The following HK1 variants were observed in gnomAD, a reference collection of about 807,000 sequenced individuals.
HK1 encodes hexokinase-1.
A neutral mutation model predicts 91.6 loss-of-function variants in HK1; 28 were observed. The observed-to-expected ratio is 0.31, with a 90% CI of 0.23 to 0.42. The LOEUF is 0.42. HK1 is among the 10% of genes least tolerant of loss of function. The pLI is 1.00. For synonymous variants in HK1, 430 were observed against 468.1 expected (o/e 0.92, Z 1.05); for missense variants, 770 against 1,219.8 (o/e 0.63, Z 5.49).
At chr10:69,283,677 A>G (rs1354968095) in intron 2 of HK1, among the ~76,000 whole-genome samples, 1 of 150,788 alleles carries the variant, frequency 6.6e-6, no homozygotes, top group Non-Finnish European at 1.5e-5. Context: ...GCTACTCAGG[A>G]GACTGAGGGA....
At chr10:69,313,485 G>A (rs910207504), upstream of HK1, among the ~76,000 whole-genome samples, 10 of 151,820 alleles carry the variant, frequency 6.6e-5, no homozygotes, top group African/African-American at 1.9e-4. Flanking sequence ...TTTTTGAGAC[G>A]GAATTTCGCT....
At position 69,283,769 on chromosome 10, in the gene HK1, A is replaced by T. The variant is rs1312067200; in HGVS notation, c.-215+1065A>T. 2.2e-5 allele frequency among the ~76,000 whole-genome samples: 3 copies of T among 136,644 alleles called. No homozygotes were observed. The South Asian group carries it at 7.4e-4, about 34-fold the overall frequency. The allele number at this position is 136,644 out of a possible 152,430, so 89.6% of individuals were successfully genotyped here. ...AGTTCGCACCACCGCACTGCATTCC[A>T]GCCTGGGTGACAGAGTGAGACTCTG... On this transcript the variant is annotated intron_variant, in intron 2 of 21. Coordinates refer to the HK1 transcript ENST00000360289.
At chr10:69,376,727 T>A (rs1839129626) in intron 7 of HK1, among the ~76,000 whole-genome samples, 2 of 152,190 alleles carry the variant, frequency 1.3e-5, no homozygotes, top group Non-Finnish European at 2.9e-5. Flanking sequence ...GGGGTCTGGA[T>A]GACTCCTGCC....
intron 2 of HK1, among the ~76,000 whole-genome samples, chr10:69,349,742 G>A (rs1271157446): frequency 6.6e-6 from 1 of 152,214 alleles, no homozygotes; most frequent in African/African-American, 2.4e-5. Context: ...CCAACCCGAG[G>A]TAAAAGGGAC....
chr10:69,317,998 A>T (rs1564506770), upstream of HK1: 1 of 965,008 alleles, frequency 1.0e-6, no homozygotes, highest in Non-Finnish European at 1.2e-6. Flanking sequence ...CCGTGCCCCA[A>T]GTCCCAGTGG....
In HK1 at chr10:69,369,447, G is replaced by C. The variant is rs901268807; in HGVS notation, c.698G>C (p.Gly233Ala). ...CTGATCTTGTCCTGCCCAGGCACTG[G>C]CACCAATGCTTGCTACATGGAGGAA... is the stretch of plus-strand genomic sequence containing the variant. ...HCEVGLIIGT[G>A]TNACYMEELR... The change falls in exon 7 of 18, where the codon GGC (glycine) becomes GCC (alanine). Residue 233 changes from glycine to alanine, a missense_variant. By Grantham distance (60) the Gly-to-Ala change is moderately conservative. Transcript: ENST00000359426. This position sits in a 1 kb window ranked among gnomAD's most constrained non-coding sequence, Gnocchi z 4.4. 1 of 1,614,094 alleles carries C rather than the reference G, an allele frequency of 6.2e-7. No individual in the cohort carries two copies. The highest frequency in any genetic ancestry group is 8.5e-7 in the Non-Finnish European group (1 of 1,180,042).
intron 7 of HK1, among the ~76,000 whole-genome samples, chr10:69,370,164 T>C (rs887205116): frequency 6.6e-6 from 1 of 152,226 alleles, no homozygotes; most frequent in African/African-American, 2.4e-5. Flanking sequence ...GATTGTGTCC[T>C]TGTAAAACAT....
At chr10:69,298,086 C>T (rs1299430624) in intron 4 of HK1, among the ~76,000 whole-genome samples, 4 of 150,734 alleles carry the variant, frequency 2.7e-5, no homozygotes, top group Non-Finnish European at 5.9e-5. Context: ...TGGCAGGCAC[C>T]TGTAATCCCA....
At chr10:69,278,625 A>G (rs973630407) in intron 1 of HK1, 1 of 152,230 alleles carries the variant, frequency 6.6e-6, no homozygotes, top group African/African-American at 2.4e-5. Context: ...ACAAAAGAGA[A>G]TTGAATTGTA....
At position 69,382,606 on chromosome 10, in the gene HK1, G is replaced by A. The variant is rs1193836919; in HGVS notation, c.1385G>A (p.Arg462His). Residue 462 changes from arginine (R) to histidine (H), a missense_variant, in exon 10 of 18, where the codon CGC (arginine) becomes CAC (histidine). Arg to His is a conservative substitution (Grantham distance 29). This residue lies in a region of HK1 where 449 missense variants were observed against 665.1 expected (regional missense o/e 0.68). Transcript: ENST00000359426. ...GCCATGGTGACGGCGGTGGCCTACC[G>A]CTTGGCCGAGCAGCACCGGCAGATA... ...GAAMVTAVAY[R>H]LAEQHRQIEE... is the part of the protein sequence containing the mutation. The A allele has an allele frequency of 2.5e-6, 4 of 1,614,066 alleles. No homozygotes were observed. The highest frequency in any genetic ancestry group is 2.5e-6 in the Non-Finnish European group (3 of 1,180,044).
intron 13 of HK1, 33 bp from the exon 14 acceptor site, chr10:69,389,153 CATAGTGATCCT>C: frequency 1.4e-6 from 2 of 1,434,920 alleles, no homozygotes; most frequent in Non-Finnish European, 2.0e-6. Context: ...TCAAGCCAGG[CATAGTGATCCT>C]ATTCCTAAAG....
chr10:69,395,403 C>A (rs544817838), intron 16 of HK1, among the ~76,000 whole-genome samples: 1 of 151,764 alleles, frequency 6.6e-6, no homozygotes, highest in Non-Finnish European at 1.5e-5. Context: ...ATGGTGAAAC[C>A]CGATCTCTAC....
chr10:69,294,813 GATC>G (rs1372065501), intron 3 of HK1, among the ~76,000 whole-genome samples: 1 of 152,042 alleles, frequency 6.6e-6, no homozygotes, highest in Non-Finnish European at 1.5e-5. Flanking sequence ...AGTGAGCAGA[GATC>G]ATGCCACTGC....
Position 69,377,016 on chromosome 10 carries a change from T to C in HK1, c.958T>C (p.Phe320Leu), listed in dbSNP as rs141581723. The change falls in exon 8 of 18, where the codon TTT (phenylalanine) becomes CTT (leucine). Residue 320 changes from phenylalanine to leucine, a missense_variant. Coordinates refer to ENST00000359426, the MANE Select transcript of HK1 (RefSeq NM_000188.3). The stretch of plus-strand genomic sequence containing the variant: ...CAAGATGGCCAAGGAGGGCCTCTTA[T>C]TTGAAGGGCGGATCACCCCGGAGCT... ...LVKMAKEGLL[F>L]EGRITPELLT... The C allele has an allele frequency of 2.5e-6, 4 of 1,614,056 alleles. No homozygotes were observed. The African/African-American group carries it at 4.0e-5, about 16-fold the overall frequency.
rs375127651 is a variant in HK1, at chr10:69,336,702, C to T, written c.64-7125C>T. Among the ~76,000 whole-genome samples, 23 of 132,294 alleles carry T rather than the reference C, an allele frequency of 1.7e-4. No homozygotes were observed. In the East Asian group the frequency reaches 4.3e-3, roughly 25 times the overall value. 86.8% of individuals were successfully genotyped at this position (132,294 alleles called of 152,430 possible). On this transcript the variant is annotated intron_variant, in intron 1 of 17. Transcript: ENST00000359426. Reference sequence around the variant, plus strand: ...TTGCCCAGGCTGGAGTGCAGTGGTGCAATCTCAGCTCACTGCAACCTCTGC... The same window carrying T: ...TTGCCCAGGCTGGAGTGCAGTGGTGTAATCTCAGCTCACTGCAACCTCTGC...
At chr10:69,326,898 TA>T (rs1847408574) in intron 1 of HK1, among the ~76,000 whole-genome samples, 1 of 152,180 alleles carries the variant, frequency 6.6e-6, no homozygotes, top group African/African-American at 2.4e-5. Flanking sequence ...ATAAACAGTA[TA>T]TGGTATTGCT....
rs112075966 is a variant in HK1, at chr10:69,366,005, A to G, written c.495+1103A>G. Among the ~76,000 whole-genome samples, 27 of 151,906 alleles carry G rather than the reference A, an allele frequency of 1.8e-4. 1 individual carries two copies. The highest frequency in any genetic ancestry group is 6.0e-4 in the African/African-American group (25 of 41,404). Reference sequence around the variant, plus strand: ...ACCACCATGTCCGGCTAATTTTTGTATTTTTGGCAGATATGGGGTTTCACC... The same window carrying G: ...ACCACCATGTCCGGCTAATTTTTGTGTTTTTGGCAGATATGGGGTTTCACC... On this transcript the variant is annotated intron_variant, in intron 4 of 17. Transcript: ENST00000359426.
chr10:69,360,060 C>T lies in HK1; in HGVS notation c.375+15C>T. On this transcript the variant is annotated intron_variant, in intron 3 of 17. Coordinates refer to ENST00000359426, the MANE Select transcript of HK1 (RefSeq NM_000188.3). ...GTGGAAGCCAGGTGGGTCCCTGCTC[C>T]CTCCGGGTCACCCCGTCGGGCCAGC... is the stretch of plus-strand genomic sequence containing the variant. The T allele has an allele frequency of 6.2e-7, 1 of 1,613,206 alleles. No individual in the cohort carries two copies. The highest frequency in any genetic ancestry group is 8.5e-7 in the Non-Finnish European group (1 of 1,179,626).
intron 5 of HK1, among the ~76,000 whole-genome samples, chr10:69,310,561 A>T (rs1026330357): frequency 2.0e-5 from 3 of 152,150 alleles, no homozygotes; most frequent in African/African-American, 7.2e-5. Context: ...ACTCTGTGTG[A>T]GCATTTTCCA....
Sources: gnomAD v4.1 joint callset for allele counts (sites outside exome capture counted in the v4.1 genomes callset) on GRCh38, gnomAD v4.1.1 for gene constraint, gnomAD v4.1.1 regional missense constraint, Gnocchi (gnomAD v3.1) non-coding constraint, MANE v1.5 for transcripts, NCBI Gene and HGNC (gene_info 2026-07-23, HGNC 2026-07-21) for gene names.